BMPR2: variants seen among roughly 807,000 people sequenced by gnomAD.
The protein encoded by BMPR2 is bone morphogenetic protein receptor type 2.
BMPR2 carries 29 observed loss-of-function variants against 100.8 expected under a neutral mutation model. The observed-to-expected ratio is 0.29, with a 90% CI of 0.21 to 0.39. BMPR2 has a LOEUF of 0.39. Among genes scored for constraint, BMPR2 ranks in the 10% least tolerant of loss-of-function variants. The pLI is 1.00. For synonymous variants in BMPR2, 382 were observed against 442.3 expected, an observed-to-expected ratio of 0.86 and a Z score of 1.71; for missense variants, 1,011 against 1,274.5, an observed-to-expected ratio of 0.79 and a Z score of 3.15.
At chr2:202,433,909 A>T (rs928811742) in intron 1 of BMPR2, among the ~76,000 whole-genome samples, 3 of 150,442 alleles carry the variant, frequency 2.0e-5, no homozygotes, top group Admixed American at 6.6e-5. Flanking sequence ...TCTGTCTCAA[A>T]AAATAAATAA....
intron 3 of BMPR2, among the ~76,000 whole-genome samples, chr2:202,477,463 TACTATTTCCTGC>T (rs1201247244): frequency 6.6e-6 from 1 of 152,108 alleles, no homozygotes; most frequent in African/African-American, 2.4e-5. Context: ...ACAGAACACA[TACTATTTCCTGC>T]ATCTTTCATA....
At chr2:202,393,554 C>T (rs2105904899) in intron 1 of BMPR2, among the ~76,000 whole-genome samples, 1 of 152,206 alleles carries the variant, frequency 6.6e-6, no homozygotes, top group South Asian at 2.1e-4. Flanking sequence ...ACTCAGCCTC[C>T]CAAAGTGTTG....
At chr2:202,426,590 A>G (rs1414558132) in intron 1 of BMPR2, among the ~76,000 whole-genome samples, 1 of 149,624 alleles carries the variant, frequency 6.7e-6, no homozygotes. Context: ...AAAAAAAAAA[A>G]GTAAATTTTG....
intron 1 of BMPR2, among the ~76,000 whole-genome samples, chr2:202,435,035 T>A (rs1691586196): frequency 6.9e-6 from 1 of 143,920 alleles, no homozygotes; most frequent in Non-Finnish European, 1.5e-5. Context: ...GGCAACATGG[T>A]GAGACCCCTT....
At chr2:202,559,186 C>T (rs191087469) in intron 12 of BMPR2, among the ~76,000 whole-genome samples, 9 of 151,712 alleles carry the variant, frequency 5.9e-5, no homozygotes, top group Admixed American at 3.3e-4. Flanking sequence ...CCTGTAGTCC[C>T]GGCTACTTGA....
intron 1 of BMPR2, among the ~76,000 whole-genome samples, chr2:202,459,667 C>CA (rs1692188145): frequency 1.3e-5 from 2 of 152,152 alleles, no homozygotes; most frequent in South Asian, 4.1e-4. Context: ...ACAGCCTAGG[C>CA]AATACCATTC....
intron 1 of BMPR2, among the ~76,000 whole-genome samples, chr2:202,454,360 T>C (rs549727358): frequency 1.3e-5 from 2 of 152,296 alleles, no homozygotes; most frequent in South Asian, 4.1e-4. Context: ...GGTGAGCCAC[T>C]GCACCCAGCC....
rs180706285 is a variant in BMPR2 at position 202,502,767 on chromosome 2, C to T, written c.419-10952C>T. On this transcript the variant is annotated intron_variant, in intron 3 of 12. Transcript: ENST00000374580. ...GAGTGTTGTTTTTACACTAACCAGT[C>T]GGGGGTAGCACAAGATGCCACCCAG... Among the ~76,000 whole-genome samples the T allele has an allele frequency of 2.9e-3, 435 of 152,240 alleles. 2 individuals carry two copies. Among genetic ancestry groups the T allele is most frequent in the Non-Finnish European group, 5.0e-3 (337 of 68,018 alleles).
rs1688108758 is a variant in BMPR2 at position 202,534,990 on chromosome 2, CCCTGCCACCTCCCT to C, written c.1276+2261_1276+2274del. ...CTCCTGGCCGGGCGGGTGGCTGACC[CCCTGCCACCTCCCT>C]CCCGGACGGGTCGGCTGGCCGGGCG... is the stretch of plus-strand genomic sequence containing the variant. On this transcript the variant is annotated intron_variant, in intron 9 of 12. Transcript: ENST00000374580. Among the ~76,000 whole-genome samples, 9 of 135,504 alleles carry C rather than the reference CCCTGCCACCTCCCT, an allele frequency of 6.6e-5. 1 individual carries two copies. The highest frequency in any genetic ancestry group is 2.3e-4 in the East Asian group (1 of 4,292). The allele number at this position is 135,504 out of a possible 152,430, so 88.9% of individuals were successfully genotyped here.
chr2:202,381,785 G>A (rs1006870200), intron 1 of BMPR2, among the ~76,000 whole-genome samples: 1 of 152,030 alleles, frequency 6.6e-6, no homozygotes, highest in African/African-American at 2.4e-5. Flanking sequence ...CTGGCATGTG[G>A]GATGATGTGA....
At chr2:202,377,670 CG>C in intron 1 of BMPR2, 120 bp downstream of exon 1, 1 of 1,206,192 alleles carries the variant, frequency 8.3e-7, no homozygotes. Flanking sequence ...CGCGGTGCAG[CG>C]GAGCTGCGAC....
chr2:202,531,314 T>C (rs1688022697), intron 8 of BMPR2, among the ~76,000 whole-genome samples: 1 of 152,128 alleles, frequency 6.6e-6, no homozygotes, highest in Admixed American at 6.6e-5. Flanking sequence ...ACAATTATCC[T>C]CATATACTGC....
rs892335018 is a variant in BMPR2, at chr2:202,503,419, G to A, written c.419-10300G>A. Among the ~76,000 whole-genome samples, 2 of 152,360 alleles carry A rather than the reference G, an allele frequency of 1.3e-5. No individual in the cohort carries two copies. Among genetic ancestry groups the A allele is most frequent in the East Asian group, 1.9e-4 (1 of 5,178 alleles). On this transcript the variant is annotated intron_variant, in intron 3 of 12. Coordinates refer to ENST00000374580, the MANE Select transcript of BMPR2 (RefSeq NM_001204.7). The surrounding 1 kb of genome is among the most constrained non-coding windows in gnomAD (Gnocchi z 4.0). ...AGCAGGAACCGGGGCGGCGTGCCGC[G>A]CTTGCGGGCCAGCCGGAGTTCCGGT...
At chr2:202,492,172 T>C (rs1692915084) in intron 3 of BMPR2, among the ~76,000 whole-genome samples, 1 of 152,104 alleles carries the variant, frequency 6.6e-6, no homozygotes. Context: ...ATAGTGACTA[T>C]TTCTGGGGCA....
At position 202,458,654 on chromosome 2, in the gene BMPR2, G is replaced by A. The variant is rs182648739; in HGVS notation, c.77-6155G>A. 9.8e-3 allele frequency among the ~76,000 whole-genome samples: 1,483 copies of A among 150,886 alleles called. 20 individuals are homozygous for A. Among genetic ancestry groups the A allele is most frequent in the African/African-American group, 0.033 (1,335 of 40,346 alleles). ...CCAGTGGTGATTGTTTCTTTAATGT[G>A]CACATTTTTCTTTATTCAAAAAGAT... is the stretch of plus-strand genomic sequence containing the variant. On this transcript the variant is annotated intron_variant, in intron 1 of 12. Coordinates refer to ENST00000374580, the MANE Select transcript of BMPR2 (RefSeq NM_001204.7).
chr2:202,393,146 A>G (rs1055229973), intron 1 of BMPR2, among the ~76,000 whole-genome samples: 2 of 152,226 alleles, frequency 1.3e-5, no homozygotes, highest in African/African-American at 4.8e-5. Context: ...ATGGAAATAC[A>G]TAGCATAAAC....
intron 1 of BMPR2, among the ~76,000 whole-genome samples, chr2:202,457,985 C>T (rs933505768): frequency 2.0e-5 from 3 of 151,988 alleles, no homozygotes; most frequent in South Asian, 2.1e-4. Context: ...CCCACTTTGG[C>T]GTCCCAAAGT....
At chr2:202,463,717 A>G (rs867244076) in intron 1 of BMPR2, among the ~76,000 whole-genome samples, 18 of 152,250 alleles carry the variant, frequency 1.2e-4, no homozygotes, top group South Asian at 4.1e-4. Context: ...CTGATAAATT[A>G]TGTGGCAAAT....
At position 202,562,541 on chromosome 2, in the gene BMPR2, T is replaced by C. The variant is rs551339745; in HGVS notation, c.*2595T>C. The C allele has an allele frequency of 4.2e-4, 64 of 152,712 alleles. No homozygotes were observed. Among genetic ancestry groups the C allele is most frequent in the African/African-American group, 1.5e-3 (63 of 41,566 alleles). The allele number at this position is 152,712 out of a possible 1,614,324, so 9.5% of individuals were successfully genotyped here. On this transcript the variant is annotated 3_prime_UTR_variant, in exon 13 of 13. Coordinates refer to ENST00000374580, the MANE Select transcript of BMPR2 (RefSeq NM_001204.7). ...TGACTTAATTGTATGCTAATACTCA[T>C]CTGATAATAAATGCTTCTTAAAGTT...
Sources: allele counts gnomAD v4.1 joint callset (sites outside exome capture counted in the v4.1 genomes callset), GRCh38; gene constraint gnomAD v4.1.1; non-coding constraint Gnocchi (gnomAD v3.1); transcripts MANE v1.5; gene names NCBI Gene and HGNC (gene_info 2026-07-23, HGNC 2026-07-21).